The following SCARA3 variants were observed in gnomAD, a reference collection of about 807,000 sequenced individuals.
SCARA3 encodes the protein cellular stress response gene protein.
A neutral mutation model predicts 47.0 loss-of-function variants in SCARA3; 39 were observed. The observed-to-expected ratio is 0.83, with a 90% CI of 0.64 to 1.08. SCARA3 has a LOEUF of 1.08. SCARA3 is among the 50% of genes least tolerant of loss of function. The probability of loss-of-function intolerance (pLI) is 0.00; values close to 1 mark genes in which losing one functional copy is unlikely to be tolerated. For missense variants in SCARA3, 724 were observed against 792.3 expected (o/e 0.91, Z 1.04); for synonymous variants, 356 against 334.1 (o/e 1.07, Z -0.71).
Position 27,656,784 on chromosome 8 carries a change from T to C in SCARA3, c.229T>C (p.Phe77Leu). Residue 77 changes from phenylalanine to leucine, a missense_variant and splice_region_variant, in exon 4 of 6, where the codon TTC becomes CTC. Transcript: ENST00000301904. ...VAVAVLASLV[F>L]RKVDSLSEDI... ...CTTCTCATCTGTTTTCCCTACAGTTTTCAGAAAAGTGGACTCTCTCTCCGA... is the reference window on the plus strand; with the variant it reads ...CTTCTCATCTGTTTTCCCTACAGTTCTCAGAAAAGTGGACTCTCTCTCCGA... The C allele has an allele frequency of 6.2e-7, 1 of 1,601,110 alleles. No individual in the cohort carries two copies. Among genetic ancestry groups the C allele is most frequent in the Non-Finnish European group, 8.6e-7 (1 of 1,168,126 alleles).
In SCARA3 at chr8:27,671,643, C is replaced by T; in HGVS notation, c.*292C>T. 2.7e-6 allele frequency: 3 copies of T among 1,130,424 alleles called. No homozygotes were observed. Among genetic ancestry groups the T allele is most frequent in the Non-Finnish European group, 3.3e-6 (3 of 918,230 alleles). 70.0% of individuals were successfully genotyped at this position (1,130,424 alleles called of 1,614,324 possible). ...ACACATACACAGGCATACATGCATG[C>T]ACACACACATGCACGCACACACACA... On this transcript the variant is annotated 3_prime_UTR_variant, in exon 6 of 6. Transcript: ENST00000301904.
the SCARA3 span, among the ~76,000 whole-genome samples, chr8:27,693,558 C>A: frequency 2.0e-5 from 3 of 151,998 alleles, no homozygotes; most frequent in Non-Finnish European, 4.4e-5. Context: ...CTAAAGCTCC[C>A]CCAACTATCT....
At chr8:27,708,833 T>A in the SCARA3 span, among the ~76,000 whole-genome samples, 3 of 152,210 alleles carry the variant, frequency 2.0e-5, no homozygotes, top group East Asian at 1.9e-4. Context: ...TTTATACAAC[T>A]TTTTTAGTTA....
At position 27,661,174 on chromosome 8, in the gene SCARA3, C is replaced by A. The variant is rs147797295; in HGVS notation, c.1369+1635C>A. Among the ~76,000 whole-genome samples the A allele has an allele frequency of 1.6e-3, 241 of 152,262 alleles. 4 individuals are homozygous for A. The highest frequency in any genetic ancestry group is 6.3e-4 in the Non-Finnish European group (43 of 68,022). On this transcript the variant is annotated intron_variant, in intron 5 of 5. Transcript: ENST00000301904. ...AGAAGGCCCCAGAATTATATTTGACCAATATCTGATCTAGTCAAGGTGACA... is the reference window on the plus strand; with the variant it reads ...AGAAGGCCCCAGAATTATATTTGACAAATATCTGATCTAGTCAAGGTGACA...
At chr8:27,703,844 C>CTTTTTTT in the SCARA3 span, 14 of 54,550 alleles carry the variant, frequency 2.6e-4, 1 homozygote, top group African/African-American at 5.9e-4. Flanking sequence ...GTGCTTTCTA[C>CTTTTTTT]TTTTTTTTTT....
At chr8:27,639,963 G>A (rs1801348060) in intron 1 of SCARA3, among the ~76,000 whole-genome samples, 1 of 152,032 alleles carries the variant, frequency 6.6e-6, no homozygotes, top group African/African-American at 2.4e-5. Context: ...GAGGAGCTGT[G>A]TCCTTAGAGT....
chr8:27,715,871 T>C, the SCARA3 span, among the ~76,000 whole-genome samples: 1 of 141,430 alleles, frequency 7.1e-6, no homozygotes, highest in East Asian at 2.0e-4. The surrounding 1 kb of genome is among the most constrained non-coding windows in gnomAD (Gnocchi z 4.2). Flanking sequence ...GATACATAGA[T>C]AGATAGATAG....
chr8:27,683,885 A>G, the SCARA3 span, among the ~76,000 whole-genome samples: 5 of 152,184 alleles, frequency 3.3e-5, no homozygotes, highest in African/African-American at 9.7e-5. Flanking sequence ...ACAATAAAAT[A>G]TAAGGAATGA....
rs751967274 is a variant in SCARA3, at chr8:27,671,675, CAT to C, written c.*326_*327del. 597 of 1,095,852 alleles carry C rather than the reference CAT, an allele frequency of 5.4e-4. 2 individuals carry two copies. Among genetic ancestry groups the C allele is most frequent in the Middle Eastern group, 5.3e-3 (14 of 2,620 alleles). The allele number at this position is 1,095,852 out of a possible 1,614,324, so 67.9% of individuals were successfully genotyped here. A position where few individuals can be genotyped will look rare whatever the true frequency, so the allele number is the denominator to read the frequency against. ...ACATGCACGCACACACACATGCACACATACACGTGCACACATACACAGGCACA... is the reference window on the plus strand; with the variant it reads ...ACATGCACGCACACACACATGCACACACACGTGCACACATACACAGGCACA... On this transcript the variant is annotated 3_prime_UTR_variant, in exon 6 of 6. Transcript: ENST00000301904.
rs1801585587 is a variant in SCARA3 at position 27,649,550 on chromosome 8, C to T, written c.8-152C>T. 4.2e-6 allele frequency: 3 copies of T among 712,328 alleles called. No individual in the cohort carries two copies. The Admixed American group carries it at 6.7e-5, about 16-fold the overall frequency. 44.1% of individuals were successfully genotyped at this position (712,328 alleles called of 1,614,324 possible). On this transcript the variant is annotated intron_variant, in intron 1 of 5. Coordinates refer to ENST00000301904, the MANE Select transcript of SCARA3 (RefSeq NM_016240.3). ...CTCAGCCACTTGATTCTTATGTCCG[C>T]TCCCTTTTTGCAGCTTACATCAGGC... is the stretch of plus-strand genomic sequence containing the variant.
chr8:27,716,754 T>C, the SCARA3 span, among the ~76,000 whole-genome samples: 3 of 152,128 alleles, frequency 2.0e-5, no homozygotes, highest in Admixed American at 6.5e-5. Context: ...ATAAGAATAA[T>C]AACATAGTCT....
intron 1 of SCARA3, among the ~76,000 whole-genome samples, chr8:27,638,704 C>A (rs1801314004): frequency 6.6e-6 from 1 of 152,150 alleles, no homozygotes. Flanking sequence ...ACTGAGGAAG[C>A]TACAAAGAGC....
the SCARA3 span, among the ~76,000 whole-genome samples, chr8:27,685,461 A>G: frequency 6.6e-6 from 1 of 152,242 alleles, no homozygotes; most frequent in Non-Finnish European, 1.5e-5. Flanking sequence ...AATTTATAAG[A>G]ACAGAAAATC....
chr8:27,684,295 T>C, the SCARA3 span, among the ~76,000 whole-genome samples: 2 of 152,150 alleles, frequency 1.3e-5, no homozygotes, highest in African/African-American at 2.4e-5. Context: ...TAAATAAATA[T>C]AGAAAACATT....
At chr8:27,685,187 A>G in the SCARA3 span, among the ~76,000 whole-genome samples, 1 of 152,214 alleles carries the variant, frequency 6.6e-6, no homozygotes, top group Non-Finnish European at 1.5e-5. Context: ...TTTGACACCA[A>G]TAATTTTGAA....
rs545052989 is a variant in SCARA3 at position 27,669,288 on chromosome 8, G to A, written c.1370-1612G>A. On this transcript the variant is annotated intron_variant, in intron 5 of 5. Coordinates refer to ENST00000301904, the MANE Select transcript of SCARA3 (RefSeq NM_016240.3). ...TTGGAACAGGGTTGCCAGCATTGCC[G>A]CACCGCCAACAGCTTCGTGGGGCGT... 2.7e-4 allele frequency among the ~76,000 whole-genome samples: 41 copies of A among 152,372 alleles called. 1 individual carries two copies. The highest frequency in any genetic ancestry group is 9.4e-4 in the African/African-American group (39 of 41,592).
At chr8:27,726,655 G>A in the SCARA3 span, among the ~76,000 whole-genome samples, 1 of 152,048 alleles carries the variant, frequency 6.6e-6, no homozygotes, top group Non-Finnish European at 1.5e-5. Flanking sequence ...AGCTGAGATT[G>A]TGCCACTGCA....
At chr8:27,713,655 G>C in the SCARA3 span, among the ~76,000 whole-genome samples, 5 of 152,142 alleles carry the variant, frequency 3.3e-5, no homozygotes, top group Non-Finnish European at 4.4e-5. Context: ...GTCTCTCTGA[G>C]TTGTCCCCAT....
At chr8:27,705,408 C>G in the SCARA3 span, among the ~76,000 whole-genome samples, 1 of 152,322 alleles carries the variant, frequency 6.6e-6, no homozygotes, top group African/African-American at 2.4e-5. Context: ...GCTAGGGGAG[C>G]CAATGTCAAC....
Sources: gnomAD v4.1 joint callset for allele counts (sites outside exome capture counted in the v4.1 genomes callset) on GRCh38, gnomAD v4.1.1 for gene constraint, Gnocchi (gnomAD v3.1) non-coding constraint, MANE v1.5 for transcripts, NCBI Gene and HGNC (gene_info 2026-07-23, HGNC 2026-07-21) for gene names.